Variants in PCDHA10 observed in about 807,000 individuals in gnomAD.
PCDHA10 encodes protocadherin alpha 10, also known as protocadherin alpha-10.
PCDHA10 carries 45 observed loss-of-function variants against 61.2 expected under a neutral mutation model. The ratio of observed to expected loss-of-function variants is 0.74; its 90% confidence interval spans 0.58 to 0.94. The LOEUF (loss-of-function observed/expected upper bound fraction) is 0.94, where lower values mean the gene tolerates loss of function less well. Ranked by LOEUF, PCDHA10 falls within the 40% of genes least tolerant of loss-of-function variation. The probability of loss-of-function intolerance (pLI) is 0.00; values close to 1 mark genes in which losing one functional copy is unlikely to be tolerated. For missense variants in PCDHA10, 1,278 were observed against 1,236.2 expected, an observed-to-expected ratio of 1.03 and a Z score of -0.51; for synonymous variants, 602 against 548.8, an observed-to-expected ratio of 1.10 and a Z score of -1.35.
intron 3 of PCDHA10, among the ~76,000 whole-genome samples, chr5:141,002,021 C>T (rs1177146388): frequency 6.6e-6 from 1 of 152,184 alleles, no homozygotes; most frequent in Non-Finnish European, 1.5e-5. Context: ...GCACAGCCTT[C>T]GGTGCCCTGA....
rs1554151191 is a variant in PCDHA10, at chr5:140,858,123, T to A, written c.2075T>A (p.Val692Glu). The A allele has an allele frequency of 6.3e-7, 1 of 1,597,678 alleles. No individual in the cohort carries two copies. Among genetic ancestry groups the A allele is most frequent in the South Asian group, 1.1e-5 (1 of 90,530 alleles). ...SVGVAPEVAL[V>E]DVNVYLIIAI... ...GGCGTGGCGCCCGAGGTGGCCCTGG[T>A]GGATGTCAACGTGTACCTGATCATC... Residue 692 changes from valine to glutamate, a missense_variant, in exon 1 of 4, where the codon GTG (valine) becomes GAG (glutamate). By Grantham distance (121) the Val-to-Glu change is moderately radical. Coordinates refer to ENST00000307360, the MANE Select transcript of PCDHA10 (RefSeq NM_018901.4).
intron 1 of PCDHA10, chr5:140,882,224 G>A (rs781909276): frequency 1.5e-5 from 24 of 1,558,680 alleles, no homozygotes; most frequent in Non-Finnish European, 1.9e-5. Flanking sequence ...TTGAGGTAAG[G>A]CGTTGTATAT....
intron 1 of PCDHA10, among the ~76,000 whole-genome samples, chr5:140,914,030 G>A (rs2076568173): frequency 1.3e-5 from 2 of 152,180 alleles, no homozygotes; most frequent in South Asian, 4.1e-4. Flanking sequence ...CACGTGCTGA[G>A]AAGAATGTGT....
chr5:141,004,014 A>T (rs1294633411), intron 3 of PCDHA10, among the ~76,000 whole-genome samples: 40 of 152,222 alleles, frequency 2.6e-4, no homozygotes, highest in African/African-American at 9.4e-4. Context: ...GGCAGCACTG[A>T]AAGAAGAAAC....
chr5:140,890,056 C>T (rs2062472126), intron 1 of PCDHA10, among the ~76,000 whole-genome samples: 1 of 152,124 alleles, frequency 6.6e-6, no homozygotes, highest in African/African-American at 2.4e-5. Flanking sequence ...GGAGCTGGCT[C>T]TTTTACTGGC....
chr5:140,927,191 T>TG, intron 1 of PCDHA10: 1 of 1,614,144 alleles, frequency 6.2e-7, no homozygotes, highest in East Asian at 2.2e-5. Flanking sequence ...TACGACCTGG[T>TG]GCTCGAGGAC....
chr5:140,967,477 C>T (rs782240426), intron 1 of PCDHA10: 1 of 1,613,396 alleles, frequency 6.2e-7, no homozygotes, highest in Non-Finnish European at 8.5e-7. Flanking sequence ...TCCCAGCCCG[C>T]TCGGGTACGG....
intron 1 of PCDHA10, among the ~76,000 whole-genome samples, chr5:140,922,066 C>A (rs1438475640): frequency 2.0e-5 from 3 of 151,528 alleles, no homozygotes; most frequent in Non-Finnish European, 4.4e-5. Context: ...TGTAGCAATC[C>A]CACTAAGCAA....
At chr5:140,869,052 T>G in intron 1 of PCDHA10, 1 of 1,543,852 alleles carries the variant, frequency 6.5e-7, no homozygotes. Flanking sequence ...AACTGAAGAA[T>G]CTGGTACTGT....
rs574487083 is a variant in PCDHA10 at position 140,915,476 on chromosome 5, T to C, written c.2388+57040T>C. Among the ~76,000 whole-genome samples the C allele has an allele frequency of 2.0e-5, 3 of 152,296 alleles. No homozygotes were observed. The South Asian group carries it at 6.2e-4, about 32-fold the overall frequency. On this transcript the variant is annotated intron_variant, in intron 1 of 3. Transcript: ENST00000307360. ...CCAGAAGGTTTTTATTTGAAGGAGC[T>C]TGGGCCTCAATCCCAATAATACTGT...
intron 1 of PCDHA10, chr5:140,860,476 G>A (rs1456923557): frequency 3.9e-5 from 6 of 152,106 alleles, no homozygotes; most frequent in Non-Finnish European, 8.8e-5. Context: ...TGGTGCAGTA[G>A]TACTTTATTT....
intron 1 of PCDHA10, among the ~76,000 whole-genome samples, chr5:140,889,996 A>G (rs1162958741): frequency 5.3e-5 from 8 of 152,152 alleles, no homozygotes; most frequent in African/African-American, 1.9e-4. Flanking sequence ...TAGCTTTCCA[A>G]GCTTAGGTGC....
At chr5:140,968,229 TC>T in intron 1 of PCDHA10, 2 of 1,613,970 alleles carry the variant, frequency 1.2e-6, no homozygotes, top group Non-Finnish European at 1.7e-6. Flanking sequence ...GGTGTGTTGC[TC>T]TGTACTGTGC....
At chr5:140,872,336 A>G (rs1554166138) in intron 1 of PCDHA10, among the ~76,000 whole-genome samples, 1 of 152,144 alleles carries the variant, frequency 6.6e-6, no homozygotes, top group African/African-American at 2.4e-5. Context: ...CTAAAATTCT[A>G]CATGTTCTTG....
chr5:140,883,905 G>A (rs781818160), intron 1 of PCDHA10: 2 of 1,613,458 alleles, frequency 1.2e-6, no homozygotes, highest in Non-Finnish European at 1.7e-6. Flanking sequence ...CCGCCTCTGG[G>A]CAGCAACGTG....
chr5:140,875,371 C>T (rs2055439966), intron 1 of PCDHA10: 2 of 1,451,152 alleles, frequency 1.4e-6, no homozygotes, highest in African/African-American at 1.4e-5. Flanking sequence ...AAAAAATTTA[C>T]TAAATATGTA....
At position 140,982,568 on chromosome 5, in the gene PCDHA10, A is replaced by G. The variant is rs1158399397; in HGVS notation, c.2536+5A>G. 6.2e-7 allele frequency: 1 copy of G among 1,613,890 alleles called. No individual in the cohort carries two copies. The highest frequency in any genetic ancestry group is 8.5e-7 in the Non-Finnish European group (1 of 1,179,906). On this transcript the variant is annotated splice_donor_5th_base_variant and intron_variant, in intron 3 of 3. Coordinates refer to ENST00000307360, the MANE Select transcript of PCDHA10 (RefSeq NM_018901.4). ...CAGTATCCAGTGCAACACCAGGTAA[A>G]GAGCTGGGGTCTCTCCATTCTTTCT...
At position 140,896,169 on chromosome 5, in the gene PCDHA10, GT is replaced by G. The variant is rs1473218621; in HGVS notation, c.2388+37734del. Among the ~76,000 whole-genome samples, 40 of 152,274 alleles carry G rather than the reference GT, an allele frequency of 2.6e-4. 1 individual carries two copies. The East Asian group carries it at 5.2e-3, about 20-fold the overall frequency. ...TGATGGGCATTTAGGATTATTCTCT[GT>G]CTTTGCTATTGTGAATAGTGCCATG... is the stretch of plus-strand genomic sequence containing the variant. On this transcript the variant is annotated intron_variant, in intron 1 of 3. Transcript: ENST00000307360.
intron 3 of PCDHA10, among the ~76,000 whole-genome samples, chr5:140,991,888 A>T (rs1374098533): frequency 6.6e-6 from 1 of 152,178 alleles, no homozygotes; most frequent in African/African-American, 2.4e-5. Context: ...TGCCATAACA[A>T]ATTAACACAA....
Sources: allele counts gnomAD v4.1 joint callset (sites outside exome capture counted in the v4.1 genomes callset), GRCh38; gene constraint gnomAD v4.1.1; transcripts MANE v1.5; gene names NCBI Gene and HGNC (gene_info 2026-07-23, HGNC 2026-07-21).